Variants in CEP164 observed in about 807,000 individuals in gnomAD.
CEP164 encodes the protein centrosomal protein of 164 kDa.
CEP164 carries 162 observed loss-of-function variants against 182.7 expected under a neutral mutation model. The ratio of observed to expected loss-of-function variants is 0.89; its 90% CI spans 0.78 to 1.01. The LOEUF (loss-of-function observed/expected upper bound fraction) is 1.01. Among genes scored for constraint, CEP164 ranks in the 50% least tolerant of loss-of-function variants. The probability of loss-of-function intolerance (pLI) is 0.00; values close to 1 mark genes in which losing one functional copy is unlikely to be tolerated. For synonymous variants in CEP164, 661 were observed against 690.0 expected, an observed-to-expected ratio of 0.96 and a Z score of 0.66; for missense variants, 1,735 against 1,790.4, an observed-to-expected ratio of 0.97 and a Z score of 0.56.
chr11:117,352,283 G>T (rs2039739721), intron 5 of CEP164, among the ~76,000 whole-genome samples: 1 of 152,144 alleles, frequency 6.6e-6, no homozygotes, highest in Non-Finnish European at 1.5e-5. Context: ...TTTTGCAGTA[G>T]TAGTAGCAGT....
In CEP164 at chr11:117,407,999, G is replaced by T; in HGVS notation, c.3576G>T (p.Lys1192Asn). Residue 1192 changes from lysine (K) to asparagine (N), a missense_variant, in exon 28 of 33, where the codon AAG (lysine) becomes AAT (asparagine). By Grantham distance (94) the Lys-to-Asn change is moderately conservative (BLOSUM62 0). Coordinates refer to ENST00000278935, the MANE Select transcript of CEP164 (RefSeq NM_014956.5). ...ACCTGCTGAAGAAGAAAGAGGAGAA[G>T]CTGAATCAGTTGGAGTCCTCTCTTT... is the stretch of plus-strand genomic sequence containing the variant. ...GHNLLKKKEE[K>N]LNQLESSLWE... 6.3e-7 allele frequency: 1 copy of T among 1,598,964 alleles called. No individual in the cohort carries two copies. Among genetic ancestry groups the T allele is most frequent in the Non-Finnish European group, 8.5e-7 (1 of 1,172,638 alleles).
intron 4 of CEP164, among the ~76,000 whole-genome samples, chr11:117,346,310 C>A (rs941978779): frequency 1.3e-5 from 2 of 151,914 alleles, no homozygotes; most frequent in Admixed American, 6.6e-5. Flanking sequence ...GCTCTGTCGC[C>A]CAGGCTGGAG....
chr11:117,398,782 A>G (rs2045812246), intron 27 of CEP164, among the ~76,000 whole-genome samples: 1 of 152,160 alleles, frequency 6.6e-6, no homozygotes, highest in Non-Finnish European at 1.5e-5. Flanking sequence ...TGCACACAGC[A>G]TGGGGACCCT....
Position 117,397,222 on chromosome 11 carries a change from A to T in CEP164, c.3410A>T (p.His1137Leu), listed in dbSNP as rs369215818. Reference protein sequence around the residue: ...RQTALKAAQQHWRHELASAQE... With the variant: ...RQTALKAAQQLWRHELASAQE... ...ACAGCTCTGAAAGCTGCCCAGCAGC[A>T]TTGGCGCCATGAGCTGGCCAGTGCG... The change falls in exon 27 of 33, where the codon CAT (histidine) becomes CTT (leucine). Residue 1137 changes from histidine (H) to leucine (L), a missense_variant. By Grantham distance (99) the His-to-Leu change is moderately conservative. Coordinates refer to ENST00000278935, the MANE Select transcript of CEP164 (RefSeq NM_014956.5). 5 of 1,614,246 alleles carry T rather than the reference A, an allele frequency of 3.1e-6. No homozygotes were observed. The highest frequency in any genetic ancestry group is 1.7e-6 in the Non-Finnish European group (2 of 1,180,050).
chr11:117,379,242 T>A (rs1479121380), intron 11 of CEP164, among the ~76,000 whole-genome samples: 1 of 152,232 alleles, frequency 6.6e-6, no homozygotes, highest in Non-Finnish European at 1.5e-5. Flanking sequence ...TTTCTATTTT[T>A]AATGTAATTT....
chr11:117,387,806 C>T (rs78891503), intron 15 of CEP164, among the ~76,000 whole-genome samples: 117 of 152,308 alleles, frequency 7.7e-4, no homozygotes, highest in African/African-American at 2.6e-3. Context: ...TTGTACAGAA[C>T]ATCCAAGAGT....
At chr11:117,401,445 T>A (rs2046121224) in intron 27 of CEP164, among the ~76,000 whole-genome samples, 1 of 152,230 alleles carries the variant, frequency 6.6e-6, no homozygotes, top group South Asian at 2.1e-4. Flanking sequence ...ATTTTCTTTT[T>A]TTGTTGTGTC....
rs928784506 is a variant in CEP164 at position 117,370,996 on chromosome 11, T to C, written c.766-84T>C. 5.0e-6 allele frequency: 7 copies of C among 1,407,248 alleles called. No individual in the cohort carries two copies. In the African/African-American group the frequency reaches 7.2e-5, roughly 14 times the overall value. 87.2% of individuals were successfully genotyped at this position (1,407,248 alleles called of 1,614,324 possible). A position where few individuals can be genotyped will look rare whatever the true frequency, so the allele number is the denominator to read the frequency against. On this transcript the variant is annotated intron_variant, in intron 8 of 32. Coordinates refer to ENST00000278935, the MANE Select transcript of CEP164 (RefSeq NM_014956.5). ...GCACTGGCCTGTGGGAGTCAGGGAA[T>C]AGCATTTCCATCTTGTAGCATGTCT... is the stretch of plus-strand genomic sequence containing the variant.
At chr11:117,353,214 T>C (rs1200393413) in intron 5 of CEP164, among the ~76,000 whole-genome samples, 1 of 152,174 alleles carries the variant, frequency 6.6e-6, no homozygotes, top group East Asian at 1.9e-4. Context: ...CTTTTGTTTA[T>C]AGTTTTTGTT....
chr11:117,374,562 T>C (rs1279287158), intron 10 of CEP164, among the ~76,000 whole-genome samples: 1 of 152,062 alleles, frequency 6.6e-6, no homozygotes, highest in African/African-American at 2.4e-5. Flanking sequence ...GCCATGGGCT[T>C]AGAAGGCAGA....
In CEP164 at chr11:117,411,407, T is replaced by A. The variant is rs2047344046; in HGVS notation, c.4164-388T>A. 3.9e-6 allele frequency: 1 copy of A among 255,572 alleles called. No individual in the cohort carries two copies. The highest frequency in any genetic ancestry group is 2.2e-5 in the African/African-American group (1 of 45,710). The allele number at this position is 255,572 out of a possible 1,614,324, so 15.8% of individuals were successfully genotyped here. On this transcript the variant is annotated intron_variant, in intron 31 of 32. Transcript: ENST00000278935. The surrounding 1 kb of genome is among the most constrained non-coding windows in gnomAD (Gnocchi z 4.4). Reference sequence around the variant, plus strand: ...ATTCATCTCATTCCTTGCCAAATGTTTTCCCCTCTCCCTCCCTTAGGCAGC... The same window carrying A: ...ATTCATCTCATTCCTTGCCAAATGTATTCCCCTCTCCCTCCCTTAGGCAGC...
chr11:117,385,573 G>T, intron 14 of CEP164: 1 of 152,414 alleles, frequency 6.6e-6, no homozygotes, highest in Non-Finnish European at 1.5e-5. Context: ...AGGAGAGAGA[G>T]ACATTAAAAG....
intron 15 of CEP164, 114 bp from the exon 16 acceptor site, chr11:117,390,663 A>C: frequency 9.1e-7 from 1 of 1,097,444 alleles, no homozygotes; most frequent in Non-Finnish European, 1.3e-6. Flanking sequence ...AAAAAGATTT[A>C]GGAAGTTTCT....
rs767313705 is a variant in CEP164, at chr11:117,394,438, T to C, written c.2705T>C (p.Val902Ala). The change falls in exon 21 of 33, where the codon GTG becomes GCG. Residue 902 changes from valine to alanine, a missense_variant. By Grantham distance (64) the Val-to-Ala change is moderately conservative. Coordinates refer to ENST00000278935, the MANE Select transcript of CEP164 (RefSeq NM_014956.5). This position sits in a 1 kb window ranked among gnomAD's most constrained non-coding sequence, Gnocchi z 4.0. ...GCCCATGAACGAGAACTGGAGACTG[T>C]GAGGCAGGAGCAACACAAGCGTCTT... Reference protein sequence around the residue: ...QRAHERELETVRQEQHKRLED... With the variant: ...QRAHERELETARQEQHKRLED... 1.2e-6 allele frequency: 2 copies of C among 1,614,018 alleles called. No homozygotes were observed. Among genetic ancestry groups the C allele is most frequent in the South Asian group, 2.2e-5 (2 of 91,056 alleles).
chr11:117,327,016 G>A (rs998728300), upstream of CEP164, among the ~76,000 whole-genome samples: 1 of 152,328 alleles, frequency 6.6e-6, no homozygotes, highest in South Asian at 2.1e-4. Flanking sequence ...CTTTCTGCCC[G>A]ACAGGGTGTG....
intron 1 of CEP164, among the ~76,000 whole-genome samples, chr11:117,333,713 A>G (rs2036579956): frequency 6.6e-6 from 1 of 150,392 alleles, no homozygotes; most frequent in South Asian, 2.1e-4. Context: ...TTTTTTTTGT[A>G]CAGGGTAAGA....
At chr11:117,406,635 A>G (rs1405571223) in intron 27 of CEP164, among the ~76,000 whole-genome samples, 1 of 152,236 alleles carries the variant, frequency 6.6e-6, no homozygotes, top group Non-Finnish European at 1.5e-5. Flanking sequence ...TCTTTTGAAC[A>G]CACTTAGCAA....
chr11:117,410,771 G>A lies in CEP164; in HGVS notation c.4097-57G>A, dbSNP rs1421950260. 58 of 1,458,980 alleles carry A rather than the reference G, an allele frequency of 4.0e-5. No homozygotes were observed. In the East Asian group the frequency reaches 1.2e-3, roughly 31 times the overall value. 90.4% of individuals were successfully genotyped at this position (1,458,980 alleles called of 1,614,324 possible). On this transcript the variant is annotated intron_variant, in intron 30 of 32. Transcript: ENST00000278935. ...TTATTCTGGGGAGGCAAGAGGTGCTGGTGGGCAGGGTGGTGACCACTGCCC... is the reference window on the plus strand; with the variant it reads ...TTATTCTGGGGAGGCAAGAGGTGCTAGTGGGCAGGGTGGTGACCACTGCCC...
intron 2 of CEP164, among the ~76,000 whole-genome samples, chr11:117,337,675 A>G (rs2037407927): frequency 6.6e-6 from 1 of 151,912 alleles, no homozygotes; most frequent in African/African-American, 2.4e-5. Flanking sequence ...AGTCCTTATC[A>G]TCTCGCCCCT....
Sources: allele counts gnomAD v4.1 joint callset (sites outside exome capture counted in the v4.1 genomes callset), GRCh38; gene constraint gnomAD v4.1.1; non-coding constraint Gnocchi (gnomAD v3.1); transcripts MANE v1.5; gene names NCBI Gene and HGNC (gene_info 2026-07-23, HGNC 2026-07-21).